Variants in PTPRZ1 observed in about 807,000 individuals in gnomAD.
PTPRZ1 encodes the protein receptor-type tyrosine-protein phosphatase zeta.
PTPRZ1 carries 82 observed loss-of-function variants against 214.1 expected under a neutral mutation model. The observed-to-expected ratio is 0.38, with a 90% CI of 0.32 to 0.46. PTPRZ1 has a LOEUF of 0.46. Among genes scored for constraint, PTPRZ1 ranks in the 20% least tolerant of loss-of-function variants. PTPRZ1 has a pLI of 1.00. For missense variants in PTPRZ1, 2,603 were observed against 2,748.7 expected, an observed-to-expected ratio of 0.95 and a Z score of 1.19; for synonymous variants, 945 against 987.9, an observed-to-expected ratio of 0.96 and a Z score of 0.81.
rs199500613 is a variant in PTPRZ1, at chr7:122,012,737, T to G, written c.3691T>G (p.Ser1231Ala). 1 of 1,610,412 alleles carries G rather than the reference T, an allele frequency of 6.2e-7. No homozygotes were observed. The highest frequency in any genetic ancestry group is 2.2e-5 in the East Asian group (1 of 44,872). The change falls in exon 12 of 30, where the codon TCA becomes GCA. Residue 1231 changes from serine to alanine, a missense_variant. Around this residue, in one of 6 missense-constraint regions of PTPRZ1, gnomAD observed 1,913 missense variants for 1,914.3 expected, o/e 1.00. Coordinates refer to ENST00000393386, the MANE Select transcript of PTPRZ1 (RefSeq NM_002851.3). ...GCATCTCATTGTATCAAATTCTGCT[T>G]CAAGTGAAAACATGCTGCACTCTAC... ...MLHLIVSNSASSENMLHSTSV... is the reference protein window; with the variant it reads ...MLHLIVSNSAASENMLHSTSV...
chr7:121,916,135 G>A (rs1356858462), intron 1 of PTPRZ1, among the ~76,000 whole-genome samples: 3 of 152,080 alleles, frequency 2.0e-5, no homozygotes, highest in African/African-American at 7.2e-5. Context: ...TTAACTGGGC[G>A]TCATGGTGTG....
At chr7:121,888,922 A>G (rs1487973069) in intron 1 of PTPRZ1, among the ~76,000 whole-genome samples, 1 of 152,144 alleles carries the variant, frequency 6.6e-6, no homozygotes, top group African/African-American at 2.4e-5. Flanking sequence ...CTAATGAAGA[A>G]TTGGCAAATA....
chr7:122,053,703 A>C (rs1792260509), intron 25 of PTPRZ1, among the ~76,000 whole-genome samples: 1 of 152,090 alleles, frequency 6.6e-6, no homozygotes, highest in East Asian at 1.9e-4. Flanking sequence ...GGAACAAACG[A>C]TTTAAGAGAA....
Position 121,873,209 on chromosome 7 carries a change from G to A in PTPRZ1, c.-291G>A, listed in dbSNP as rs79358053. The A allele has an allele frequency of 0.039, 16,546 of 426,790 alleles. 1,256 individuals are homozygous for A. Among genetic ancestry groups the A allele is most frequent in the African/African-American group, 0.22 (10,642 of 49,050 alleles). The allele number at this position is 426,790 out of a possible 1,614,324, so 26.4% of individuals were successfully genotyped here. ...GAAAGAGGCAAAGTCCCGCACGCCGGAGGACATGCGCCTCGGCTAGCGGCC... is the reference window on the plus strand; with the variant it reads ...GAAAGAGGCAAAGTCCCGCACGCCGAAGGACATGCGCCTCGGCTAGCGGCC... On this transcript the variant is annotated 5_prime_UTR_variant, in exon 1 of 30. Coordinates refer to ENST00000393386, the MANE Select transcript of PTPRZ1 (RefSeq NM_002851.3).
chr7:121,890,813 G>C (rs1461257093), intron 1 of PTPRZ1, among the ~76,000 whole-genome samples: 1 of 151,978 alleles, frequency 6.6e-6, no homozygotes, highest in Non-Finnish European at 1.5e-5. Context: ...GGGACTACAG[G>C]CATGTGCTAC....
intron 1 of PTPRZ1, among the ~76,000 whole-genome samples, chr7:121,922,632 A>G (rs2116349738): frequency 6.6e-6 from 1 of 152,304 alleles, no homozygotes; most frequent in South Asian, 2.1e-4. Context: ...TTATTCTCAG[A>G]GAAAAGACTT....
At chr7:122,014,112 T>C (rs1280466751) in intron 12 of PTPRZ1, among the ~76,000 whole-genome samples, 1 of 152,242 alleles carries the variant, frequency 6.6e-6, no homozygotes, top group Non-Finnish European at 1.5e-5. Flanking sequence ...CTCTCCAAAA[T>C]AGACAAAACA....
At chr7:122,034,012 T>C in intron 15 of PTPRZ1, 83 bp from the exon 16 acceptor site, 1 of 1,284,790 alleles carries the variant, frequency 7.8e-7, no homozygotes, top group African/African-American at 1.5e-5. Context: ...ATTGTAAACC[T>C]AATATGAACG....
chr7:121,873,684 C>T (rs1793957699), intron 1 of PTPRZ1, 127 bp downstream of exon 1: 1 of 1,190,130 alleles, frequency 8.4e-7, no homozygotes, highest in Non-Finnish European at 1.2e-6. Flanking sequence ...GGACAGCCAA[C>T]TGGGCTCCCA....
chr7:121,989,134 A>C (rs1162415532), intron 8 of PTPRZ1, among the ~76,000 whole-genome samples: 2 of 152,214 alleles, frequency 1.3e-5, no homozygotes, highest in African/African-American at 4.8e-5. Context: ...ATTATGTAAT[A>C]ATTTTTATAG....
intron 15 of PTPRZ1, among the ~76,000 whole-genome samples, chr7:122,032,630 C>A (rs188634034): frequency 1.3e-5 from 2 of 152,294 alleles, no homozygotes; most frequent in Admixed American, 1.3e-4. Flanking sequence ...CTGCACCCAG[C>A]AGTTGCTTCC....
intron 1 of PTPRZ1, among the ~76,000 whole-genome samples, chr7:121,876,658 G>A (rs769973313): frequency 2.0e-5 from 3 of 152,000 alleles, no homozygotes; most frequent in Non-Finnish European, 4.4e-5. Context: ...ATAATAACTA[G>A]CCTCTATTCA....
intron 2 of PTPRZ1, among the ~76,000 whole-genome samples, chr7:121,948,270 A>G (rs1796446213): frequency 6.6e-6 from 1 of 152,126 alleles, no homozygotes; most frequent in Admixed American, 6.5e-5. Context: ...AAAGAAAAAG[A>G]CCAAAAAAAG....
intron 1 of PTPRZ1, among the ~76,000 whole-genome samples, chr7:121,894,826 T>C (rs1041924004): frequency 4.6e-5 from 7 of 152,216 alleles, no homozygotes; most frequent in Non-Finnish European, 8.8e-5. Context: ...TGATAGACTT[T>C]ATTGGATTTG....
chr7:121,984,257 C>T (rs992078580), intron 8 of PTPRZ1, 140 bp downstream of exon 8: 16 of 743,128 alleles, frequency 2.2e-5, no homozygotes, highest in Non-Finnish European at 2.7e-5. Flanking sequence ...GATAAGCTGT[C>T]TAATTTTCTG....
chr7:122,030,897 T>C (rs1799349723), intron 14 of PTPRZ1, among the ~76,000 whole-genome samples: 1 of 152,038 alleles, frequency 6.6e-6, no homozygotes, highest in Non-Finnish European at 1.5e-5. Flanking sequence ...CTTGAAATTT[T>C]ACAGATTAAA....
intron 1 of PTPRZ1, among the ~76,000 whole-genome samples, chr7:121,921,683 A>G (rs925992482): frequency 1.3e-5 from 2 of 152,166 alleles, no homozygotes; most frequent in Non-Finnish European, 2.9e-5. Context: ...GAGACATTCA[A>G]AAGTACTTTT....
At chr7:122,051,318 G>A (rs751723264) in intron 23 of PTPRZ1, 110 bp from the exon 24 acceptor site, 2 of 609,588 alleles carry the variant, frequency 3.3e-6, no homozygotes, top group African/African-American at 3.8e-5. Context: ...TTTTTAGTCA[G>A]TATCTTATCT....
At chr7:121,940,070 A>G (rs976556884) in intron 2 of PTPRZ1, among the ~76,000 whole-genome samples, 5 of 152,154 alleles carry the variant, frequency 3.3e-5, no homozygotes, top group African/African-American at 4.8e-5. Flanking sequence ...TTGGACAGAA[A>G]ATTAGGAATG....
Sources: allele counts gnomAD v4.1 joint callset (sites outside exome capture counted in the v4.1 genomes callset), GRCh38; gene constraint gnomAD v4.1.1; regional missense constraint gnomAD v4.1.1; transcripts MANE v1.5; gene names NCBI Gene and HGNC (gene_info 2026-07-23, HGNC 2026-07-21).